Variants in TERB1 observed in about 807,000 individuals in gnomAD.
The protein encoded by TERB1 is telomere repeats-binding bouquet formation protein 1.
A neutral mutation model predicts 92.3 loss-of-function variants in TERB1; 63 were observed. The ratio of observed to expected loss-of-function variants is 0.68; its 90% CI spans 0.56 to 0.84. TERB1 has a LOEUF of 0.84. Ranked by LOEUF, TERB1 falls within the 40% of genes least tolerant of loss-of-function variation. The pLI is 0.00. For missense variants in TERB1, 709 were observed against 843.7 expected (o/e 0.84, Z 1.98); for synonymous variants, 252 against 283.9 (o/e 0.89, Z 1.13).
intron 12 of TERB1, 54 bp downstream of exon 12, chr16:66,775,064 A>T: frequency 6.5e-7 from 1 of 1,527,606 alleles, no homozygotes; most frequent in Non-Finnish European, 8.8e-7. Context: ...AGCAGAAATA[A>T]ATTCTCCTTT....
At chr16:66,790,532 G>T in intron 5 of TERB1, 63 bp downstream of exon 5, 2 of 1,247,246 alleles carry the variant, frequency 1.6e-6, no homozygotes, top group Non-Finnish European at 2.2e-6. Flanking sequence ...AATTAGTTTT[G>T]AGTATACTGT....
intron 5 of TERB1, 27 bp downstream of exon 5, chr16:66,790,568 A>T: frequency 6.8e-7 from 1 of 1,471,948 alleles, no homozygotes; most frequent in South Asian, 1.3e-5. Context: ...TGCTTAAAGT[A>T]TAATGAAATA....
At chr16:66,777,427 A>G in intron 10 of TERB1, 93 bp from the exon 11 acceptor site, 1 of 687,102 alleles carries the variant, frequency 1.5e-6, no homozygotes, top group Non-Finnish European at 2.3e-6. Flanking sequence ...TTCAGGCAGA[A>G]TGTTATATAT....
At chr16:66,761,398 G>A (rs1295797405) in intron 16 of TERB1, among the ~76,000 whole-genome samples, 1 of 144,452 alleles carries the variant, frequency 6.9e-6, no homozygotes, top group Non-Finnish European at 1.5e-5. Flanking sequence ...GTTGCAGTGA[G>A]CTGAGACTGT....
intron 2 of TERB1, among the ~76,000 whole-genome samples, chr16:66,799,576 A>T (rs753723685): frequency 2.0e-5 from 3 of 152,014 alleles, no homozygotes; most frequent in Non-Finnish European, 4.4e-5. Context: ...TAAAATTAAA[A>T]CTGGTCACCC....
chr16:66,787,024 A>G (rs1372069460), intron 6 of TERB1, among the ~76,000 whole-genome samples: 1 of 152,124 alleles, frequency 6.6e-6, no homozygotes, highest in Non-Finnish European at 1.5e-5. Flanking sequence ...GACCTGGGTG[A>G]CATGGGGAAG....
At chr16:66,757,217 T>C (rs1189058994) in intron 18 of TERB1, among the ~76,000 whole-genome samples, 1 of 152,170 alleles carries the variant, frequency 6.6e-6, no homozygotes, top group Non-Finnish European at 1.5e-5. Flanking sequence ...TGGTTTTAGC[T>C]AAAGCAAGTC....
intron 16 of TERB1, among the ~76,000 whole-genome samples, chr16:66,764,715 G>A (rs1372080361): frequency 6.6e-6 from 1 of 152,222 alleles, no homozygotes; most frequent in Non-Finnish European, 1.5e-5. Flanking sequence ...CGGAACGAGA[G>A]AGAACAGTCA....
chr16:66,791,734 T>C (rs572370373), intron 3 of TERB1, among the ~76,000 whole-genome samples: 3 of 152,130 alleles, frequency 2.0e-5, no homozygotes, highest in African/African-American at 7.2e-5. Context: ...TCACCAAAAC[T>C]CACCCAAGAA....
intron 2 of TERB1, among the ~76,000 whole-genome samples, chr16:66,800,547 CA>C (rs11361084): frequency 0.51 from 76,137 of 150,662 alleles, 20,076 homozygotes; most frequent in African/African-American, 0.64. Context: ...CCCACCACAC[CA>C]AGGCCAAGAA....
chr16:66,800,392 G>GT lies in TERB1; in HGVS notation c.-33+584dup, dbSNP rs537071270. Among the ~76,000 whole-genome samples, 516 of 92,856 alleles carry GT rather than the reference G, an allele frequency of 5.6e-3. 2 individuals carry two copies. The highest frequency in any genetic ancestry group is 0.017 in the East Asian group (58 of 3,434). 60.9% of individuals were successfully genotyped at this position (92,856 alleles called of 152,430 possible). A position where few individuals can be genotyped will look rare whatever the true frequency, so the allele number is the denominator to read the frequency against. On this transcript the variant is annotated intron_variant, in intron 2 of 18. Transcript: ENST00000433154. ...AAATAAATAAATAAAAATAAAGAAA[G>GT]TTTTTTTTTTTTTTTTTTGAGACAG...
intron 3 of TERB1, among the ~76,000 whole-genome samples, chr16:66,796,393 G>A (rs1176378528): frequency 6.6e-6 from 1 of 152,056 alleles, no homozygotes; most frequent in Non-Finnish European, 1.5e-5. Context: ...TTATGTGATG[G>A]TGTATATTAT....
At chr16:66,770,406 T>C in intron 13 of TERB1, 97 bp from the exon 14 acceptor site, 2 of 823,266 alleles carry the variant, frequency 2.4e-6, no homozygotes, top group Non-Finnish European at 3.7e-6. Context: ...AGAAAAAGTT[T>C]ATGATTGCCA....
chr16:66,772,625 T>C lies in TERB1; in HGVS notation c.1236A>G (p.Leu412=), dbSNP rs908896220. ...EEHWRKAKEI[L]HRIEQLEREG... ...CTCTTTCAAGCTGTTCTATTCTGTG[T>C]AGAATTTCCTTTGCTTTCCTCCAGT... The change falls in exon 13 of 19, where the codon CTA becomes CTG. Residue 412 remains leucine, a synonymous_variant. Transcript: ENST00000433154. 1.3e-6 allele frequency: 2 copies of C among 1,551,754 alleles called. No individual in the cohort carries two copies. Among genetic ancestry groups the C allele is most frequent in the Admixed American group, 3.9e-5 (2 of 50,948 alleles).
intron 18 of TERB1, 199 bp downstream of exon 18, chr16:66,758,574 C>G: frequency 6.7e-6 from 3 of 449,898 alleles, no homozygotes; most frequent in Non-Finnish European, 7.9e-6. Context: ...AACCCCATCT[C>G]TACTAAAAAT....
At chr16:66,764,667 C>T (rs1437975978) in intron 16 of TERB1, among the ~76,000 whole-genome samples, 6 of 151,902 alleles carry the variant, frequency 3.9e-5, no homozygotes, top group Non-Finnish European at 5.9e-5. Flanking sequence ...GCCTATGTGG[C>T]AAAAAAGAAC....
At chr16:66,758,976 A>G (rs763124175) in intron 17 of TERB1, 138 bp from the exon 18 acceptor site, 5 of 915,054 alleles carry the variant, frequency 5.5e-6, no homozygotes, top group Non-Finnish European at 8.3e-6. Flanking sequence ...TTAAACCAAC[A>G]GTCTAAGACT....
chr16:66,792,983 T>C (rs2018861062), intron 3 of TERB1, among the ~76,000 whole-genome samples: 1 of 151,688 alleles, frequency 6.6e-6, no homozygotes, highest in South Asian at 2.1e-4. Context: ...ACTCAATTTA[T>C]TTTTAAAATT....
chr16:66,775,438 A>G (rs1323689654), intron 11 of TERB1, among the ~76,000 whole-genome samples, 195 bp from the exon 12 acceptor site: 1 of 152,092 alleles, frequency 6.6e-6, no homozygotes, highest in East Asian at 1.9e-4. Context: ...GTTCAAGACC[A>G]GCCTAGTCAA....
Sources: allele counts gnomAD v4.1 joint callset (sites outside exome capture counted in the v4.1 genomes callset), GRCh38; gene constraint gnomAD v4.1.1; transcripts MANE v1.5; gene names NCBI Gene and HGNC (gene_info 2026-07-23, HGNC 2026-07-21).